The following NAALADL2 variants were observed in gnomAD, a reference collection of about 807,000 sequenced individuals.
NAALADL2 encodes inactive N-acetylated-alpha-linked acidic dipeptidase-like protein 2.
A neutral mutation model predicts 87.2 loss-of-function variants in NAALADL2; 76 were observed. That is an observed-to-expected ratio of 0.87 (90% CI 0.72 to 1.05). The LOEUF (loss-of-function observed/expected upper bound fraction) is 1.05, where lower values mean the gene tolerates loss of function less well. Among genes scored for constraint, NAALADL2 ranks in the 50% least tolerant of loss-of-function variants. NAALADL2 has a pLI of 0.00. For missense variants in NAALADL2, 1,089 were observed against 945.8 expected (o/e 1.15, Z -1.99); for synonymous variants, 354 against 331.0 (o/e 1.07, Z -0.75).
rs113695710 is a variant in NAALADL2, at chr3:174,538,605, A to G, written c.-183-11964A>G. 9.4e-3 allele frequency among the ~76,000 whole-genome samples: 1,425 copies of G among 152,230 alleles called. 10 individuals are homozygous for G. The highest frequency in any genetic ancestry group is 0.014 in the Non-Finnish European group (981 of 68,016). On this transcript the variant is annotated intron_variant, in intron 1 of 3. Transcript: ENST00000434257. Reference sequence around the variant, plus strand: ...AGGTGTCTTTCCTGAACGAGGAGAGAATTAACTAAGATTCTGGCATTTTTT... The same window carrying G: ...AGGTGTCTTTCCTGAACGAGGAGAGGATTAACTAAGATTCTGGCATTTTTT...
At chr3:175,000,335 C>T (rs911193738) in intron 1 of NAALADL2, among the ~76,000 whole-genome samples, 3 of 152,178 alleles carry the variant, frequency 2.0e-5, no homozygotes, top group Non-Finnish European at 4.4e-5. Flanking sequence ...CTTTTTGAAG[C>T]TTTGCTAATA....
At chr3:175,797,248 G>T (rs1576861921) in intron 13 of NAALADL2, among the ~76,000 whole-genome samples, 2 of 152,118 alleles carry the variant, frequency 1.3e-5, no homozygotes, top group South Asian at 2.1e-4. Flanking sequence ...AATTGTTACA[G>T]ATGAGGGAAG....
At chr3:174,815,830 G>GTTTT (rs10589968) in intron 3 of NAALADL2, among the ~76,000 whole-genome samples, 10 of 115,198 alleles carry the variant, frequency 8.7e-5, no homozygotes, top group East Asian at 2.6e-4. Flanking sequence ...TTTGACTTTA[G>GTTTT]TTTTTTTTTT....
chr3:174,803,597 T>A (rs1313948031), intron 3 of NAALADL2, among the ~76,000 whole-genome samples: 1 of 149,458 alleles, frequency 6.7e-6, no homozygotes, highest in East Asian at 1.9e-4. Flanking sequence ...GTTTTTATGG[T>A]CTTAGGTCTT....
chr3:174,713,807 A>G (rs1730918878), intron 2 of NAALADL2, among the ~76,000 whole-genome samples: 1 of 151,864 alleles, frequency 6.6e-6, no homozygotes, highest in African/African-American at 2.4e-5. Flanking sequence ...TAGTTGAATT[A>G]GATCCCATTT....
chr3:174,768,709 T>C (rs1302776616), intron 3 of NAALADL2, among the ~76,000 whole-genome samples: 1 of 152,182 alleles, frequency 6.6e-6, no homozygotes. Flanking sequence ...CAAAAAGGAC[T>C]GGTTTTTCTT....
chr3:175,269,556 G>A (rs1307540001), intron 4 of NAALADL2, among the ~76,000 whole-genome samples: 7 of 152,158 alleles, frequency 4.6e-5, no homozygotes, highest in Non-Finnish European at 5.9e-5. Context: ...TGACCTGTGC[G>A]GAGCCACGAC....
intron 10 of NAALADL2, among the ~76,000 whole-genome samples, chr3:175,599,277 A>C (rs1722645035): frequency 6.6e-6 from 1 of 152,110 alleles, no homozygotes; most frequent in African/African-American, 2.4e-5. Flanking sequence ...AGTCCCAATA[A>C]AATTACTGAT....
intron 2 of NAALADL2, among the ~76,000 whole-genome samples, chr3:175,150,364 T>A (rs886784926): frequency 2.6e-5 from 4 of 152,188 alleles, no homozygotes; most frequent in Admixed American, 1.3e-4. Flanking sequence ...CCATTAAATT[T>A]TTTTTCTTAG....
intron 2 of NAALADL2, among the ~76,000 whole-genome samples, chr3:175,187,467 G>A (rs1737514977): frequency 6.6e-6 from 1 of 151,858 alleles, no homozygotes; most frequent in Admixed American, 6.6e-5. Flanking sequence ...TAAGCTTTAG[G>A]TTTGAATCTC....
chr3:175,797,909 TTGAA>T (rs1753701024), intron 13 of NAALADL2, among the ~76,000 whole-genome samples: 1 of 152,080 alleles, frequency 6.6e-6, no homozygotes, highest in Non-Finnish European at 1.5e-5. Context: ...GGATTAATGA[TTGAA>T]TATGTAAAAG....
chr3:175,591,784 G>GTATATATATATATA (rs57196350), intron 10 of NAALADL2, among the ~76,000 whole-genome samples: 1 of 137,056 alleles, frequency 7.3e-6, no homozygotes, highest in African/African-American at 2.8e-5. Flanking sequence ...GTGTGTGTGT[G>GTATATATATATATA]TATATATATA....
intron 13 of NAALADL2, among the ~76,000 whole-genome samples, chr3:175,756,725 T>G (rs1747312803): frequency 6.6e-6 from 1 of 152,044 alleles, no homozygotes; most frequent in Admixed American, 6.6e-5. Context: ...ATTTGGGTGA[T>G]GGGTACACTA....
intron 2 of NAALADL2, among the ~76,000 whole-genome samples, chr3:174,630,964 T>G (rs894597810): frequency 2.6e-5 from 4 of 152,140 alleles, no homozygotes; most frequent in Non-Finnish European, 4.4e-5. Context: ...GTCTATATTT[T>G]GCCGTACCTT....
chr3:175,329,930 G>A (rs1761196707), intron 5 of NAALADL2, among the ~76,000 whole-genome samples: 1 of 152,156 alleles, frequency 6.6e-6, no homozygotes, highest in Non-Finnish European at 1.5e-5. Flanking sequence ...TTGATTGTTT[G>A]AATGTCTAGG....
chr3:174,861,056 G>A (rs934691923), intron 1 of NAALADL2, among the ~76,000 whole-genome samples: 1 of 152,080 alleles, frequency 6.6e-6, no homozygotes. Context: ...TAAGCCTTTT[G>A]TAGTTGGGTA....
Position 175,805,199 on chromosome 3 carries a change from C to G in NAALADL2, c.*1996C>G, listed in dbSNP as rs1020885863. 2.0e-5 allele frequency: 3 copies of G among 151,902 alleles called. No individual in the cohort carries two copies. Among genetic ancestry groups the G allele is most frequent in the Non-Finnish European group, 2.9e-5 (2 of 67,874 alleles). The allele number at this position is 151,902 out of a possible 1,614,324, so 9.4% of individuals were successfully genotyped here. On this transcript the variant is annotated 3_prime_UTR_variant, in exon 14 of 14. Coordinates refer to ENST00000454872, the MANE Select transcript of NAALADL2 (RefSeq NM_207015.3). Reference sequence around the variant, plus strand: ...AAAACAAATAAAGGCAAGCTATTATCAGTTTGGTAGTTCATTATTTTAGAA... The same window carrying G: ...AAAACAAATAAAGGCAAGCTATTATGAGTTTGGTAGTTCATTATTTTAGAA...
At chr3:174,510,530 A>G (rs184664913) in intron 1 of NAALADL2, among the ~76,000 whole-genome samples, 171 of 151,886 alleles carry the variant, frequency 1.1e-3, no homozygotes, top group African/African-American at 3.9e-3. Flanking sequence ...TGTTCATAAT[A>G]TTTTCTCCTT....
rs1056931794 is a variant in NAALADL2, at chr3:174,882,628, T to C, written c.43+23178T>C. Among the ~76,000 whole-genome samples the C allele has an allele frequency of 1.8e-4, 16 of 89,020 alleles. 1 individual carries two copies. The highest frequency in any genetic ancestry group is 5.8e-4 in the African/African-American group (14 of 23,944). The allele number at this position is 89,020 out of a possible 152,430, so 58.4% of individuals were successfully genotyped here. A position where few individuals can be genotyped will look rare whatever the true frequency, so the allele number is the denominator to read the frequency against. On this transcript the variant is annotated intron_variant, in intron 1 of 13. Transcript: ENST00000454872. The stretch of plus-strand genomic sequence containing the variant: ...ACATATATGTGCATATGCATATATG[T>C]GCATATACACATATGTGCATATACA...
Sources: allele counts gnomAD v4.1 joint callset (sites outside exome capture counted in the v4.1 genomes callset), GRCh38; gene constraint gnomAD v4.1.1; transcripts MANE v1.5; gene names NCBI Gene and HGNC (gene_info 2026-07-23, HGNC 2026-07-21).